The following CREBRF variants were observed in gnomAD, a reference collection of about 807,000 sequenced individuals.
The protein encoded by CREBRF is CREB3 regulatory factor, also known as UPF0474 protein C5orf41.
CREBRF carries 5 observed loss-of-function variants against 66.1 expected under a neutral mutation model. The ratio of observed to expected loss-of-function variants is 0.08; its 90% confidence interval spans 0.04 to 0.16. The LOEUF (loss-of-function observed/expected upper bound fraction) is 0.16. CREBRF is among the 10% of genes least tolerant of loss of function. The probability of loss-of-function intolerance (pLI) is 1.00; values close to 1 mark genes in which losing one functional copy is unlikely to be tolerated. For missense variants in CREBRF, 531 were observed against 744.9 expected (o/e 0.71, Z 3.34); for synonymous variants, 229 against 264.4 (o/e 0.87, Z 1.30).
chr5:173,114,843 A>G (rs1235345984), intron 7 of CREBRF, among the ~76,000 whole-genome samples: 1 of 152,228 alleles, frequency 6.6e-6, no homozygotes, highest in African/African-American at 2.4e-5. Context: ...AAGGAAAGCT[A>G]TATGGAAACA....
At chr5:173,098,354 T>A (rs1470441626) in intron 4 of CREBRF, among the ~76,000 whole-genome samples, 1 of 152,150 alleles carries the variant, frequency 6.6e-6, no homozygotes, top group East Asian at 1.9e-4. Context: ...GCCTGGCTAA[T>A]TTTTTGTATT....
chr5:173,134,514 A>C lies in CREBRF; in HGVS notation c.*769A>C, dbSNP rs1310896527. The C allele has an allele frequency of 6.2e-6, 1 of 160,944 alleles. No individual in the cohort carries two copies. Among genetic ancestry groups the C allele is most frequent in the Non-Finnish European group, 1.4e-5 (1 of 72,950 alleles). 10.0% of individuals were successfully genotyped at this position (160,944 alleles called of 1,614,324 possible). ...TATAGGACTATGTTGAAATGTAGATATATGCCACAGAGTCTGTGTATTGTA... is the reference window on the plus strand; with the variant it reads ...TATAGGACTATGTTGAAATGTAGATCTATGCCACAGAGTCTGTGTATTGTA... On this transcript the variant is annotated 3_prime_UTR_variant, in exon 9 of 9. Transcript: ENST00000296953.
chr5:173,062,871 C>T (rs985426296), intron 1 of CREBRF, among the ~76,000 whole-genome samples: 8 of 151,258 alleles, frequency 5.3e-5, no homozygotes, highest in Admixed American at 1.3e-4. Flanking sequence ...CCTCAGCCTC[C>T]CAAGTAGCTG....
At chr5:173,100,116 GTGTA>G (rs1758585198) in intron 4 of CREBRF, among the ~76,000 whole-genome samples, 2 of 111,492 alleles carry the variant, frequency 1.8e-5, no homozygotes, top group African/African-American at 8.9e-5. Flanking sequence ...GTGTGTGTGT[GTGTA>G]TATATATATA....
chr5:173,069,513 G>T (rs1028600322), intron 1 of CREBRF, among the ~76,000 whole-genome samples: 1 of 151,978 alleles, frequency 6.6e-6, no homozygotes, highest in African/African-American at 2.4e-5. Flanking sequence ...GTAGAGATGG[G>T]GTTTCACCAT....
chr5:173,086,424 G>A, intron 2 of CREBRF, 77 bp from the exon 3 acceptor site: 1 of 1,261,170 alleles, frequency 7.9e-7, no homozygotes, highest in South Asian at 1.3e-5. Context: ...TAGTGGGGGT[G>A]GGGTTGGGGC....
chr5:173,130,151 A>AT lies in CREBRF; in HGVS notation c.1805-3471dup, dbSNP rs556859474. On this transcript the variant is annotated intron_variant, in intron 8 of 8. Transcript: ENST00000296953. ...ATTTTTTTATGTAGCATGTATTTGG[A>AT]TTTTTTTTGTTATTTATTCTGGAGG... is the stretch of plus-strand genomic sequence containing the variant. 3.6e-4 allele frequency among the ~76,000 whole-genome samples: 55 copies of AT among 151,892 alleles called. 1 individual carries two copies. Among genetic ancestry groups the AT allele is most frequent in the South Asian group, 1.7e-3 (8 of 4,800 alleles).
intron 1 of CREBRF, among the ~76,000 whole-genome samples, chr5:173,066,402 T>C (rs1757438634): frequency 6.6e-6 from 1 of 152,210 alleles, no homozygotes; most frequent in Non-Finnish European, 1.5e-5. Flanking sequence ...CAAAGTCCAA[T>C]TCACCTTTTT....
intron 8 of CREBRF, among the ~76,000 whole-genome samples, chr5:173,126,800 C>T (rs1424778083): frequency 1.3e-5 from 2 of 152,112 alleles, no homozygotes; most frequent in Non-Finnish European, 2.9e-5. Context: ...TTGAATGTTC[C>T]TAGGGATACC....
chr5:173,115,181 A>T (rs1169126456), intron 7 of CREBRF, among the ~76,000 whole-genome samples: 1 of 149,772 alleles, frequency 6.7e-6, no homozygotes, highest in African/African-American at 2.5e-5. Flanking sequence ...ATCTCGGCTC[A>T]CCGCAACCTC....
rs1428889620 is a variant in CREBRF at position 173,136,074 on chromosome 5, T to G, written c.*2329T>G. 1.3e-5 allele frequency: 2 copies of G among 152,506 alleles called. No homozygotes were observed. The highest frequency in any genetic ancestry group is 1.3e-4 in the Admixed American group (2 of 15,274). The allele number at this position is 152,506 out of a possible 1,614,324, so 9.4% of individuals were successfully genotyped here. On this transcript the variant is annotated 3_prime_UTR_variant, in exon 9 of 9. Transcript: ENST00000296953. Reference sequence around the variant, plus strand: ...GTAAATTGAAAAGTGTTTCAAACTATGGCAGTTTTGCAATCAGGTGAAAAT... The same window carrying G: ...GTAAATTGAAAAGTGTTTCAAACTAGGGCAGTTTTGCAATCAGGTGAAAAT...
chr5:173,115,007 C>G (rs1758952546), intron 7 of CREBRF, among the ~76,000 whole-genome samples: 1 of 152,206 alleles, frequency 6.6e-6, no homozygotes, highest in South Asian at 2.1e-4. Flanking sequence ...TTTTCTCTCC[C>G]TGCCCCGTAA....
chr5:173,091,855 T>G (rs1432962212), intron 4 of CREBRF: 1 of 869,742 alleles, frequency 1.1e-6, no homozygotes, highest in Non-Finnish European at 1.4e-6. Flanking sequence ...GAGGCCGAGG[T>G]GGGCGGATCA....
chr5:173,129,520 G>A (rs943197570), intron 8 of CREBRF, among the ~76,000 whole-genome samples: 2 of 151,866 alleles, frequency 1.3e-5, no homozygotes, highest in African/African-American at 2.4e-5. Flanking sequence ...CCAAGAGTTC[G>A]AAGCCAGCTT....
intron 4 of CREBRF, 157 bp downstream of exon 4, chr5:173,091,558 TC>T: frequency 7.0e-7 from 1 of 1,435,350 alleles, no homozygotes; most frequent in Non-Finnish European, 9.2e-7. Flanking sequence ...GTTTTTCTAT[TC>T]AAATAGCTCT....
intron 1 of CREBRF, chr5:173,060,467 A>G (rs1203560145): frequency 1.3e-5 from 2 of 152,018 alleles, no homozygotes; most frequent in East Asian, 3.9e-4. Flanking sequence ...CTAATCTTAA[A>G]TGATCCGCCC....
At chr5:173,127,785 CTCTG>C (rs1759310745) in intron 8 of CREBRF, among the ~76,000 whole-genome samples, 1 of 152,084 alleles carries the variant, frequency 6.6e-6, no homozygotes, top group African/African-American at 2.4e-5. Context: ...AAGGTAATTT[CTCTG>C]TCAGGTTACA....
chr5:173,084,766 G>A (rs923653604), intron 2 of CREBRF, among the ~76,000 whole-genome samples: 13 of 150,402 alleles, frequency 8.6e-5, no homozygotes, highest in Non-Finnish European at 1.0e-4. Flanking sequence ...CTCAGTCTCC[G>A]GAGTAGCTAG....
intron 2 of CREBRF, among the ~76,000 whole-genome samples, chr5:173,082,824 G>A (rs964648077): frequency 6.9e-6 from 1 of 144,914 alleles, no homozygotes; most frequent in Non-Finnish European, 1.5e-5. Context: ...CGGGAGAATC[G>A]CATGAACCCT....
Sources: gnomAD v4.1 joint callset for allele counts (sites outside exome capture counted in the v4.1 genomes callset) on GRCh38, gnomAD v4.1.1 for gene constraint, MANE v1.5 for transcripts, NCBI Gene and HGNC (gene_info 2026-07-23, HGNC 2026-07-21) for gene names.